Variants in EPS8 observed in about 807,000 individuals in gnomAD.
EPS8 encodes epidermal growth factor receptor kinase substrate 8.
In EPS8, 42 loss-of-function variants were observed where a neutral mutation model predicts 103.8. The observed-to-expected ratio is 0.40, with a 90% CI of 0.32 to 0.52. The LOEUF is 0.52. Ranked by LOEUF, EPS8 falls within the 20% of genes least tolerant of loss-of-function variation. The pLI, the probability that EPS8 is intolerant of heterozygous loss-of-function variation, is 0.40. For synonymous variants in EPS8, 344 were observed against 344.6 expected (o/e 1.00, Z 0.02); for missense variants, 969 against 1,005.1 (o/e 0.96, Z 0.49).
rs536030681 is a variant in EPS8, at chr12:15,653,802, C to T, written c.1250+343G>A. Among the ~76,000 whole-genome samples the T allele has an allele frequency of 1.3e-4, 20 of 152,276 alleles. No individual in the cohort carries two copies. The South Asian group carries it at 2.7e-3, about 20-fold the overall frequency. ...CATGGACTAGCAAGCACTGTGCGCG[C>T]GCGCGCGCATGTGTATGTGTGTGTG... is the stretch of plus-strand genomic sequence containing the variant. On this transcript the variant is annotated intron_variant, in intron 13 of 20. Coordinates refer to ENST00000281172, the MANE Select transcript of EPS8 (RefSeq NM_004447.6).
At position 15,704,408 on chromosome 12, in the gene EPS8, A is replaced by G. The variant is rs980673290; in HGVS notation, c.-21-21436T>C. ...ATTTATCCTTTAAAAGGAAACAGAC[A>G]TCTCTCATACATACTACAACATGGA... On this transcript the variant is annotated intron_variant, in intron 1 of 20. Coordinates refer to ENST00000281172, the MANE Select transcript of EPS8 (RefSeq NM_004447.6). The surrounding 1 kb of genome is among the most constrained non-coding windows in gnomAD (Gnocchi z 4.6). 7.2e-5 allele frequency among the ~76,000 whole-genome samples: 11 copies of G among 152,194 alleles called. No homozygotes were observed. The highest frequency in any genetic ancestry group is 4.8e-5 in the African/African-American group (2 of 41,458).
chr12:15,766,530 C>T (rs1591929520), intron 1 of EPS8, among the ~76,000 whole-genome samples: 1 of 148,430 alleles, frequency 6.7e-6, no homozygotes, highest in East Asian at 2.0e-4. Context: ...ATTAGCTGGA[C>T]ATTGGGAGCT....
Position 15,711,313 on chromosome 12 carries a change from G to A in EPS8, c.-21-28341C>T, listed in dbSNP as rs182885113. ...ACATCACTGAAAAGTAAACTACAAAGGAGACTTCTCTATACAATTTATGTC... is the reference window on the plus strand; with the variant it reads ...ACATCACTGAAAAGTAAACTACAAAAGAGACTTCTCTATACAATTTATGTC... On this transcript the variant is annotated intron_variant, in intron 1 of 20. Coordinates refer to ENST00000281172, the MANE Select transcript of EPS8 (RefSeq NM_004447.6). 4.4e-3 allele frequency among the ~76,000 whole-genome samples: 662 copies of A among 152,168 alleles called. 8 individuals carry two copies. The highest frequency in any genetic ancestry group is 0.015 in the African/African-American group (622 of 41,490).
At position 15,728,989 on chromosome 12, in the gene EPS8, A is replaced by C. The variant is rs1302997233; in HGVS notation, c.-21-46017T>G. Among the ~76,000 whole-genome samples the C allele has an allele frequency of 6.6e-6, 1 of 152,130 alleles. No homozygotes were observed. The highest frequency in any genetic ancestry group is 1.5e-5 in the Non-Finnish European group (1 of 68,000). On this transcript the variant is annotated intron_variant, in intron 1 of 20. Transcript: ENST00000281172. The surrounding 1 kb of genome is among the most constrained non-coding windows in gnomAD (Gnocchi z 4.5). ...CTGAGAAAGTCTTTACTCCTCCTTC[A>C]CTTTTGAAGGATAATTTTACTGGAT...
intron 1 of EPS8, among the ~76,000 whole-genome samples, chr12:15,719,829 T>C (rs1477378476): frequency 6.6e-6 from 1 of 152,228 alleles, no homozygotes; most frequent in Non-Finnish European, 1.5e-5. Flanking sequence ...CTCTTAATTG[T>C]AATTCTAAAA....
intron 17 of EPS8, among the ~76,000 whole-genome samples, chr12:15,635,335 T>C (rs1945115973): frequency 6.6e-6 from 1 of 152,196 alleles, no homozygotes; most frequent in Non-Finnish European, 1.5e-5. Context: ...AAGAAGTCTC[T>C]GGGAAAATGT....
At chr12:15,754,671 A>G (rs1023457477) in intron 1 of EPS8, among the ~76,000 whole-genome samples, 1 of 152,212 alleles carries the variant, frequency 6.6e-6, no homozygotes, top group African/African-American at 2.4e-5. Flanking sequence ...ACCCAACTTC[A>G]TGTGTTCCAA....
chr12:15,733,513 C>A lies in EPS8; in HGVS notation c.-21-50541G>T, dbSNP rs752363209. Among the ~76,000 whole-genome samples, 23 of 152,206 alleles carry A rather than the reference C, an allele frequency of 1.5e-4. No homozygotes were observed. The South Asian group carries it at 2.1e-3, about 14-fold the overall frequency. On this transcript the variant is annotated intron_variant, in intron 1 of 20. Coordinates refer to ENST00000281172, the MANE Select transcript of EPS8 (RefSeq NM_004447.6). The surrounding 1 kb of genome is among the most constrained non-coding windows in gnomAD (Gnocchi z 4.8). Reference sequence around the variant, plus strand: ...TATCATATTGTTCATTAAATAGTATCTTGGCACCTTTAAAAAGCCTAGATA... The same window carrying A: ...TATCATATTGTTCATTAAATAGTATATTGGCACCTTTAAAAAGCCTAGATA...
At chr12:15,659,858 T>A (rs941729300) in intron 10 of EPS8, among the ~76,000 whole-genome samples, 25 of 152,348 alleles carry the variant, frequency 1.6e-4, no homozygotes, top group African/African-American at 5.5e-4. Flanking sequence ...GTGACCTGAA[T>A]GTACCGTTTA....
rs574137159 is a variant in EPS8 at position 15,775,747 on chromosome 12, C to T, written c.-22+13414G>A. ...CCACAAGGATAAGAATGTTGTCTAT[C>T]TTGTCAATTAGAGTATTCTCATTAT... On this transcript the variant is annotated intron_variant, in intron 1 of 20. Coordinates refer to ENST00000281172, the MANE Select transcript of EPS8 (RefSeq NM_004447.6). 8.5e-5 allele frequency among the ~76,000 whole-genome samples: 13 copies of T among 152,208 alleles called. No individual in the cohort carries two copies. The South Asian group carries it at 2.7e-3, about 32-fold the overall frequency.
rs1351039048 is a variant in EPS8, at chr12:15,631,469, G to C, written c.2017C>G (p.Gln673Glu). ...TCCACCGGAAGTTGTTTGTGTCTCT[G>C]GCTGTCTCGCACGATACTGCCACCA... ...DSGGSIVRDS[Q>E]RHKQLPVDRR... is the part of the protein sequence containing the mutation. The change falls in exon 18 of 21, where the codon CAG (glutamine) becomes GAG (glutamate). Residue 673 changes from glutamine to glutamate, a missense_variant. Physicochemically the swap from Gln to Glu is conservative, Grantham distance 29. Transcript: ENST00000281172. 1 of 1,614,026 alleles carries C rather than the reference G, an allele frequency of 6.2e-7. No individual in the cohort carries two copies. The highest frequency in any genetic ancestry group is 8.5e-7 in the Non-Finnish European group (1 of 1,179,948).
intron 15 of EPS8, among the ~76,000 whole-genome samples, chr12:15,643,863 T>C (rs947698216): frequency 6.6e-6 from 1 of 151,518 alleles, no homozygotes; most frequent in African/African-American, 2.4e-5. Flanking sequence ...AGAGCAGACA[T>C]AGAGACAGCA....
chr12:15,678,253 T>C (rs1336449869), intron 3 of EPS8, among the ~76,000 whole-genome samples: 1 of 152,136 alleles, frequency 6.6e-6, no homozygotes, highest in Non-Finnish European at 1.5e-5. Context: ...CATCCATCCA[T>C]CTGTCCATTC....
Position 15,785,420 on chromosome 12 carries a change from C to A in EPS8, c.-22+3741G>T, listed in dbSNP as rs1288718853. Among the ~76,000 whole-genome samples the A allele has an allele frequency of 6.6e-6, 1 of 152,082 alleles. No homozygotes were observed. Among genetic ancestry groups the A allele is most frequent in the Non-Finnish European group, 1.5e-5 (1 of 67,944 alleles). Reference sequence around the variant, plus strand: ...CAAATGTATGGCAGATGGTGCAAACCAGGTTTCTTCTCACTGTTGGAGTAA... The same window carrying A: ...CAAATGTATGGCAGATGGTGCAAACAAGGTTTCTTCTCACTGTTGGAGTAA... On this transcript the variant is annotated intron_variant, in intron 1 of 20. Transcript: ENST00000281172. This position sits in a 1 kb window ranked among gnomAD's most constrained non-coding sequence, Gnocchi z 4.9.
rs1195774757 is a variant in EPS8, at chr12:15,731,024, T to C, written c.-21-48052A>G. On this transcript the variant is annotated intron_variant, in intron 1 of 20. Coordinates refer to ENST00000281172, the MANE Select transcript of EPS8 (RefSeq NM_004447.6). This position sits in a 1 kb window ranked among gnomAD's most constrained non-coding sequence, Gnocchi z 5.1. Reference sequence around the variant, plus strand: ...ATGACATTTCAAATATCCCATTTACTTATTTCAGAAATGCCTCTTGTGCAA... The same window carrying C: ...ATGACATTTCAAATATCCCATTTACCTATTTCAGAAATGCCTCTTGTGCAA... Among the ~76,000 whole-genome samples, 3 of 152,240 alleles carry C rather than the reference T, an allele frequency of 2.0e-5. No individual in the cohort carries two copies. The highest frequency in any genetic ancestry group is 3.9e-4 in the East Asian group (2 of 5,180).
intron 3 of EPS8, among the ~76,000 whole-genome samples, chr12:15,675,923 T>C (rs986211583): frequency 1.3e-5 from 2 of 152,148 alleles, no homozygotes; most frequent in Admixed American, 6.5e-5. Context: ...TTGTTAGAGA[T>C]GCCACCATGT....
At position 15,706,351 on chromosome 12, in the gene EPS8, T is replaced by C. The variant is rs1946386820; in HGVS notation, c.-21-23379A>G. On this transcript the variant is annotated intron_variant, in intron 1 of 20. Coordinates refer to ENST00000281172, the MANE Select transcript of EPS8 (RefSeq NM_004447.6). This position sits in a 1 kb window ranked among gnomAD's most constrained non-coding sequence, Gnocchi z 5.2. ...CACTGCAGCATTGACAATGCCAAGT[T>C]CTTCCTTCCTCGAGGCCTATCACAC... is the stretch of plus-strand genomic sequence containing the variant. Among the ~76,000 whole-genome samples, 1 of 152,220 alleles carries C rather than the reference T, an allele frequency of 6.6e-6. No homozygotes were observed. The highest frequency in any genetic ancestry group is 2.4e-5 in the African/African-American group (1 of 41,458).
rs1484814197 is a variant in EPS8 at position 15,714,583 on chromosome 12, GA to G, written c.-21-31612del. ...CTTGAGCCCAGGAGTTTGAGCCCAG[GA>G]GTGAGCTATGATCACGCCACTGTAT... is the stretch of plus-strand genomic sequence containing the variant. On this transcript the variant is annotated intron_variant, in intron 1 of 20. Coordinates refer to ENST00000281172, the MANE Select transcript of EPS8 (RefSeq NM_004447.6). This position sits in a 1 kb window ranked among gnomAD's most constrained non-coding sequence, Gnocchi z 4.1. Among the ~76,000 whole-genome samples the G allele has an allele frequency of 1.3e-5, 2 of 152,124 alleles. No homozygotes were observed. The highest frequency in any genetic ancestry group is 4.8e-5 in the African/African-American group (2 of 41,434).
rs1000752065 is a variant in EPS8, at chr12:15,769,436, T to G, written c.-22+19725A>C. On this transcript the variant is annotated intron_variant, in intron 1 of 20. Transcript: ENST00000281172. This position sits in a 1 kb window ranked among gnomAD's most constrained non-coding sequence, Gnocchi z 4.6. ...TCAAGGATATATTAAAGAAAATCACTCAGAGTTTTATGAAAAATAAGCAAA... is the reference window on the plus strand; with the variant it reads ...TCAAGGATATATTAAAGAAAATCACGCAGAGTTTTATGAAAAATAAGCAAA... 6.6e-6 allele frequency among the ~76,000 whole-genome samples: 1 copy of G among 152,078 alleles called. No individual in the cohort carries two copies.
Sources: allele counts gnomAD v4.1 joint callset (sites outside exome capture counted in the v4.1 genomes callset), GRCh38; gene constraint gnomAD v4.1.1; non-coding constraint Gnocchi (gnomAD v3.1); transcripts MANE v1.5; gene names NCBI Gene and HGNC (gene_info 2026-07-23, HGNC 2026-07-21).